SPIDR: variants seen among roughly 807,000 people sequenced by gnomAD.
SPIDR encodes DNA repair-scaffolding protein.
In SPIDR, 93 loss-of-function variants were observed where a neutral mutation model predicts 104.6. The ratio of observed to expected loss-of-function variants is 0.89; its 90% confidence interval spans 0.75 to 1.06. The LOEUF is 1.06. SPIDR is among the 50% of genes least tolerant of loss of function. SPIDR has a pLI of 0.00. For synonymous variants in SPIDR, 431 were observed against 416.9 expected (o/e 1.03, Z -0.41); for missense variants, 1,154 against 1,111.2 (o/e 1.04, Z -0.55).
intron 5 of SPIDR, among the ~76,000 whole-genome samples, chr8:47,320,754 C>G (rs578031465): frequency 6.6e-6 from 1 of 152,310 alleles, no homozygotes; most frequent in Non-Finnish European, 1.5e-5. Flanking sequence ...CCACCATGAT[C>G]AAGTGGGCTT....
At chr8:47,391,595 G>T (rs1223650716) in intron 5 of SPIDR, among the ~76,000 whole-genome samples, 1 of 151,994 alleles carries the variant, frequency 6.6e-6, no homozygotes, top group East Asian at 1.9e-4. Flanking sequence ...ACTACACGAA[G>T]AATCCAGGAT....
At chr8:47,601,555 A>C (rs144732819) in intron 10 of SPIDR, among the ~76,000 whole-genome samples, 1 of 152,176 alleles carries the variant, frequency 6.6e-6, no homozygotes, top group African/African-American at 2.4e-5. Context: ...TTAGTTGGGC[A>C]TGGTGGTGCG....
chr8:47,648,734 G>A (rs953504870), intron 10 of SPIDR, among the ~76,000 whole-genome samples: 4 of 152,126 alleles, frequency 2.6e-5, no homozygotes, highest in Non-Finnish European at 4.4e-5. Flanking sequence ...AAGAATGATG[G>A]GGACATCAAA....
At chr8:47,421,642 GT>G (rs2065484871) in intron 7 of SPIDR, among the ~76,000 whole-genome samples, 1 of 152,162 alleles carries the variant, frequency 6.6e-6, no homozygotes, top group Non-Finnish European at 1.5e-5. Flanking sequence ...GCTTTGTTCC[GT>G]TCCTGGTGAG....
At chr8:47,336,267 G>C (rs1379824479) in intron 5 of SPIDR, among the ~76,000 whole-genome samples, 1 of 152,118 alleles carries the variant, frequency 6.6e-6, no homozygotes, top group African/African-American at 2.4e-5. Context: ...TATGAATACT[G>C]TTGCTCTGAA....
intron 7 of SPIDR, among the ~76,000 whole-genome samples, chr8:47,426,745 G>A (rs1391595653): frequency 6.6e-6 from 1 of 152,216 alleles, no homozygotes; most frequent in Non-Finnish European, 1.5e-5. Flanking sequence ...GTGAGAGAGG[G>A]AGAGGAAGGT....
intron 5 of SPIDR, among the ~76,000 whole-genome samples, chr8:47,330,007 T>C (rs1554603527): frequency 6.6e-6 from 1 of 152,248 alleles, no homozygotes; most frequent in Non-Finnish European, 1.5e-5. Flanking sequence ...TTTAATTAGA[T>C]AATTACTTTT....
chr8:47,376,176 A>G (rs2058644995), intron 5 of SPIDR, among the ~76,000 whole-genome samples: 2 of 152,230 alleles, frequency 1.3e-5, no homozygotes, highest in Non-Finnish European at 2.9e-5. Flanking sequence ...CTGAGCAGGA[A>G]TTGAAGAGCA....
At chr8:47,302,183 A>G in intron 5 of SPIDR, among the ~76,000 whole-genome samples, 1 of 149,458 alleles carries the variant, frequency 6.7e-6, no homozygotes, top group East Asian at 2.0e-4. Context: ...TTCTCACTTC[A>G]TTTCATTCAT....
At chr8:47,708,155 C>T (rs991230076) in intron 14 of SPIDR, among the ~76,000 whole-genome samples, 1 of 152,098 alleles carries the variant, frequency 6.6e-6, no homozygotes, top group Non-Finnish European at 1.5e-5. Context: ...AAAAATTAGC[C>T]GGGCATGATG....
intron 8 of SPIDR, among the ~76,000 whole-genome samples, chr8:47,512,492 C>A (rs1245546026): frequency 6.6e-6 from 1 of 152,208 alleles, no homozygotes. Flanking sequence ...AGACATTGTG[C>A]ATTTTTAGAG....
chr8:47,489,962 A>G (rs1586603711), intron 8 of SPIDR, among the ~76,000 whole-genome samples: 1 of 152,210 alleles, frequency 6.6e-6, no homozygotes, highest in Admixed American at 6.5e-5. Context: ...CATGACTAAA[A>G]CACCCAAAGC....
At chr8:47,611,914 G>A (rs2063661515) in intron 10 of SPIDR, among the ~76,000 whole-genome samples, 2 of 152,156 alleles carry the variant, frequency 1.3e-5, no homozygotes, top group African/African-American at 2.4e-5. Flanking sequence ...GAACTGAGCC[G>A]TCAAGAGGTA....
intron 8 of SPIDR, among the ~76,000 whole-genome samples, chr8:47,568,916 G>A (rs1445138128): frequency 6.6e-6 from 1 of 152,064 alleles, no homozygotes; most frequent in African/African-American, 2.4e-5. Context: ...AATGTAAATG[G>A]ATAACAATTA....
At chr8:47,729,278 C>G in intron 18 of SPIDR, 134 bp from the exon 19 acceptor site, 1 of 1,438,122 alleles carries the variant, frequency 7.0e-7, no homozygotes, top group Non-Finnish European at 9.4e-7. Flanking sequence ...CATCTTTGAC[C>G]TAAGGCCGTG....
intron 5 of SPIDR, among the ~76,000 whole-genome samples, chr8:47,312,425 G>A (rs1190302883): frequency 4.6e-5 from 7 of 152,198 alleles, no homozygotes; most frequent in East Asian, 1.9e-4. Flanking sequence ...ACTGGTGTGA[G>A]ATGGTATCTC....
intron 8 of SPIDR, chr8:47,546,738 TATTA>T (rs1252103808): frequency 5.9e-6 from 1 of 169,336 alleles, no homozygotes; most frequent in Non-Finnish European, 1.3e-5. Context: ...AATTTATTTT[TATTA>T]ATTATGCCAC....
intron 6 of SPIDR, among the ~76,000 whole-genome samples, chr8:47,403,773 T>C (rs1470721055): frequency 5.3e-5 from 8 of 152,236 alleles, no homozygotes; most frequent in Non-Finnish European, 1.0e-4. Context: ...AATGGCCATA[T>C]TACCCAAGGT....
At chr8:47,511,462 C>G (rs2082310923) in intron 8 of SPIDR, 1 of 780,468 alleles carries the variant, frequency 1.3e-6, no homozygotes, top group Admixed American at 1.7e-5. Flanking sequence ...CGCCTGTCCA[C>G]TGTGAGCTAG....
Sources: gnomAD v4.1 joint callset for allele counts (sites outside exome capture counted in the v4.1 genomes callset) on GRCh38, gnomAD v4.1.1 for gene constraint, MANE v1.5 for transcripts, NCBI Gene and HGNC (gene_info 2026-07-23, HGNC 2026-07-21) for gene names.